AIF1L: variants seen among roughly 807,000 people sequenced by gnomAD.
AIF1L encodes the protein allograft inflammatory factor 1 like, also known as allograft inflammatory factor 1-like.
AIF1L carries 12 observed loss-of-function variants against 20.7 expected under a neutral mutation model. The ratio of observed to expected loss-of-function variants is 0.58; its 90% confidence interval spans 0.37 to 0.94. AIF1L has a LOEUF of 0.94. Ranked by LOEUF, AIF1L falls within the 40% of genes least tolerant of loss-of-function variation. The pLI, the probability that AIF1L is intolerant of heterozygous loss-of-function variation, is 0.01. For synonymous variants in AIF1L, 76 were observed against 65.1 expected, an observed-to-expected ratio of 1.17 and a Z score of -0.81; for missense variants, 173 against 185.3, an observed-to-expected ratio of 0.93 and a Z score of 0.39.
intron 5 of AIF1L, among the ~76,000 whole-genome samples, chr9:131,119,599 C>T (rs1363748830): frequency 6.6e-6 from 1 of 152,082 alleles, no homozygotes; most frequent in Non-Finnish European, 1.5e-5. Flanking sequence ...TAAAATATAC[C>T]TGTCTCATTT....
intron 3 of AIF1L, chr9:131,114,195 C>G (rs551377360): frequency 1.3e-5 from 3 of 233,998 alleles, no homozygotes; most frequent in African/African-American, 6.6e-5. Flanking sequence ...ATGCCTGCCC[C>G]CACCCTGTCC....
At chr9:131,105,061 G>C (rs1468845319) in intron 2 of AIF1L, among the ~76,000 whole-genome samples, 4 of 152,108 alleles carry the variant, frequency 2.6e-5, no homozygotes, top group Admixed American at 2.0e-4. Context: ...GGGCAGCCAG[G>C]GGTCCTGGAA....
At chr9:131,105,214 C>A (rs1016324485) in intron 2 of AIF1L, among the ~76,000 whole-genome samples, 7 of 152,186 alleles carry the variant, frequency 4.6e-5, no homozygotes, top group Admixed American at 1.3e-4. Context: ...AGTCCTGTTC[C>A]TGCCACTGCC....
In AIF1L at chr9:131,121,610, A is replaced by C. The variant is rs903873069; in HGVS notation, c.*1288A>C. The C allele has an allele frequency of 6.5e-6, 1 of 153,312 alleles. No homozygotes were observed. The highest frequency in any genetic ancestry group is 2.4e-5 in the African/African-American group (1 of 41,464). The allele number at this position is 153,312 out of a possible 1,614,324, so 9.5% of individuals were successfully genotyped here. A position where few individuals can be genotyped will look rare whatever the true frequency, so the allele number is the denominator to read the frequency against. ...GGAGGTGCCCTGGACTGGGGCCCAG[A>C]TGTTCAGGGACCCTGCCTACACCTC... On this transcript the variant is annotated 3_prime_UTR_variant, in exon 6 of 6. Transcript: ENST00000247291.
intron 3 of AIF1L, among the ~76,000 whole-genome samples, chr9:131,112,709 C>T (rs73658929): frequency 0.013 from 1,945 of 152,212 alleles, 50 homozygotes; most frequent in African/African-American, 0.045. Context: ...TCAACTGTTA[C>T]GCTATGATGC....
At chr9:131,117,715 C>G in intron 4 of AIF1L, 41 bp from the exon 5 acceptor site, 5 of 1,543,780 alleles carry the variant, frequency 3.2e-6, no homozygotes, top group Non-Finnish European at 4.4e-6. Flanking sequence ...TAAGCCCCAG[C>G]AGCCCATCTC....
chr9:131,108,222 T>TTTG (rs1830794227), intron 2 of AIF1L: 2 of 133,624 alleles, frequency 1.5e-5, no homozygotes, highest in South Asian at 4.7e-4. Flanking sequence ...TTTTTTTTTT[T>TTTG]TGAGATGGAG....
intron 5 of AIF1L, among the ~76,000 whole-genome samples, chr9:131,119,270 G>A (rs1162538479): frequency 6.6e-6 from 1 of 152,220 alleles, no homozygotes; most frequent in Non-Finnish European, 1.5e-5. Context: ...GGAGGCTGAG[G>A]CCGGTGGATC....
At chr9:131,101,301 G>C (rs1010293608) in intron 2 of AIF1L, among the ~76,000 whole-genome samples, 5 of 152,148 alleles carry the variant, frequency 3.3e-5, no homozygotes, top group Non-Finnish European at 7.3e-5. Flanking sequence ...CCAGCAGACA[G>C]ATGCACAGTG....
chr9:131,114,260 C>G, intron 3 of AIF1L: 1 of 333,080 alleles, frequency 3.0e-6, no homozygotes, highest in Non-Finnish European at 5.8e-6. Context: ...AGTCACTTTG[C>G]TACTAACTCA....
At chr9:131,102,549 C>T (rs925778121) in intron 2 of AIF1L, among the ~76,000 whole-genome samples, 3 of 152,366 alleles carry the variant, frequency 2.0e-5, no homozygotes, top group Non-Finnish European at 2.9e-5. Context: ...CCAGTTATGA[C>T]CTTGGTGTGG....
At chr9:131,117,658 G>A (rs1049720122) in intron 4 of AIF1L, 98 bp from the exon 5 acceptor site, 6 of 1,366,094 alleles carry the variant, frequency 4.4e-6, no homozygotes, top group Non-Finnish European at 5.9e-6. Flanking sequence ...CAGACGCCAA[G>A]TTTCTAGGCG....
chr9:131,109,166 T>C (rs1342968019), intron 2 of AIF1L, among the ~76,000 whole-genome samples: 1 of 150,496 alleles, frequency 6.6e-6, no homozygotes, highest in Non-Finnish European at 1.5e-5. Context: ...GAGTGCTGTG[T>C]GCACTGTGTC....
chr9:131,098,456 C>T (rs1830570988), intron 2 of AIF1L, among the ~76,000 whole-genome samples: 1 of 152,154 alleles, frequency 6.6e-6, no homozygotes, highest in Admixed American at 6.5e-5. Context: ...GGAACCCCGA[C>T]CTCATATAGC....
intron 2 of AIF1L, among the ~76,000 whole-genome samples, chr9:131,105,567 A>G (rs963947736): frequency 3.3e-5 from 5 of 150,760 alleles, no homozygotes; most frequent in African/African-American, 1.2e-4. Flanking sequence ...CTGGTCTTGA[A>G]CTCCTGACCT....
In AIF1L at chr9:131,111,582, C is replaced by T. The variant is rs1289326367; in HGVS notation, c.94-15C>T. 2.5e-6 allele frequency: 4 copies of T among 1,612,510 alleles called. No homozygotes were observed. In the South Asian group the frequency reaches 3.3e-5, roughly 13 times the overall value. On this transcript the variant is annotated splice_polypyrimidine_tract_variant and intron_variant, in intron 2 of 5. Coordinates refer to ENST00000247291, the MANE Select transcript of AIF1L (RefSeq NM_031426.4). Reference sequence around the variant, plus strand: ...CCCCAGTCCCTTGCTCAGCACTGTCCTCTCACCTCTGTAGGAGTTTCTGTG... The same window carrying T: ...CCCCAGTCCCTTGCTCAGCACTGTCTTCTCACCTCTGTAGGAGTTTCTGTG...
intron 2 of AIF1L, among the ~76,000 whole-genome samples, chr9:131,105,835 T>TGC (rs1491191895): frequency 0.045 from 26 of 582 alleles, no homozygotes; most frequent in South Asian, 0.5. Flanking sequence ...TTGTTGTTGC[T>TGC]TTTTTTTTTT....
At chr9:131,099,587 G>A (rs1830594709) in intron 2 of AIF1L, among the ~76,000 whole-genome samples, 1 of 152,224 alleles carries the variant, frequency 6.6e-6, no homozygotes, top group Non-Finnish European at 1.5e-5. Context: ...CTTGGGCACC[G>A]CCATGGCTGC....
chr9:131,106,213 T>C, intron 2 of AIF1L: 1 of 1,535,840 alleles, frequency 6.5e-7, no homozygotes, highest in African/African-American at 1.4e-5. Context: ...GAGCCGCAGC[T>C]ACAGAGGATT....
Sources: allele counts gnomAD v4.1 joint callset (sites outside exome capture counted in the v4.1 genomes callset), GRCh38; gene constraint gnomAD v4.1.1; transcripts MANE v1.5; gene names NCBI Gene and HGNC (gene_info 2026-07-23, HGNC 2026-07-21).